DIAPH1: variants seen among roughly 807,000 people sequenced by gnomAD.
DIAPH1 encodes protein diaphanous homolog 1.
DIAPH1 carries 46 observed loss-of-function variants against 140.7 expected under a neutral mutation model. That is an observed-to-expected ratio of 0.33 (90% CI 0.26 to 0.42). DIAPH1 has a LOEUF of 0.42. DIAPH1 is among the 10% of genes least tolerant of loss of function. The pLI is 1.00. For synonymous variants in DIAPH1, 565 were observed against 551.6 expected (o/e 1.02, Z -0.34); for missense variants, 1,310 against 1,558.7 (o/e 0.84, Z 2.69).
intron 6 of DIAPH1, among the ~76,000 whole-genome samples, chr5:141,582,719 T>C (rs544301922): frequency 6.6e-6 from 1 of 152,338 alleles, no homozygotes; most frequent in East Asian, 1.9e-4. Context: ...AGAAGATATA[T>C]GTAGGTCTTG....
intron 18 of DIAPH1, among the ~76,000 whole-genome samples, chr5:141,541,211 A>G (rs1265714869): frequency 6.6e-6 from 1 of 152,248 alleles, no homozygotes; most frequent in Admixed American, 6.5e-5. Flanking sequence ...AATCCTATTC[A>G]TGATTTAAAA....
intron 18 of DIAPH1, among the ~76,000 whole-genome samples, chr5:141,559,500 C>A (rs1349202355): frequency 2.6e-5 from 4 of 152,140 alleles, no homozygotes; most frequent in Admixed American, 1.3e-4. Context: ...CACACAGAAT[C>A]CCAAAGGAAG....
intron 1 of DIAPH1, among the ~76,000 whole-genome samples, chr5:141,610,347 C>G (rs892132338): frequency 6.6e-6 from 1 of 152,002 alleles, no homozygotes; most frequent in East Asian, 1.9e-4. Context: ...TGTCGCCAGG[C>G]TGGAGTGCAG....
chr5:141,617,716 C>A (rs768934466), intron 1 of DIAPH1, among the ~76,000 whole-genome samples: 1 of 152,196 alleles, frequency 6.6e-6, no homozygotes, highest in Admixed American at 6.5e-5. Flanking sequence ...CTGGACAGTG[C>A]CCCGTATCTT....
intron 18 of DIAPH1, among the ~76,000 whole-genome samples, chr5:141,549,112 G>C (rs573713075): frequency 5.8e-4 from 88 of 152,180 alleles, no homozygotes; most frequent in Non-Finnish European, 1.0e-3. Flanking sequence ...GACTAAAACT[G>C]TCAGACTGGA....
chr5:141,609,549 T>C (rs2099901491), intron 1 of DIAPH1, among the ~76,000 whole-genome samples: 1 of 152,198 alleles, frequency 6.6e-6, no homozygotes, highest in African/African-American at 2.4e-5. Context: ...ATGGGAATAA[T>C]AACAGTACCT....
At chr5:141,526,759 C>T (rs187502121) in intron 24 of DIAPH1, among the ~76,000 whole-genome samples, 4 of 152,238 alleles carry the variant, frequency 2.6e-5, no homozygotes, top group African/African-American at 4.8e-5. Flanking sequence ...TGCAGTGGCG[C>T]GATCTTGGCT....
chr5:141,591,138 A>G (rs1460484708), intron 1 of DIAPH1, among the ~76,000 whole-genome samples: 1 of 151,844 alleles, frequency 6.6e-6, no homozygotes, highest in African/African-American at 2.4e-5. Flanking sequence ...TCGTCTCCAA[A>G]CAGATGACGC....
chr5:141,599,608 T>C (rs1175736611), intron 1 of DIAPH1, among the ~76,000 whole-genome samples: 1 of 152,156 alleles, frequency 6.6e-6, no homozygotes, highest in Non-Finnish European at 1.5e-5. Context: ...CCTGCCATCA[T>C]GCCCAGCCAG....
chr5:141,562,330 A>T (rs762777227), intron 18 of DIAPH1, among the ~76,000 whole-genome samples: 6 of 152,170 alleles, frequency 3.9e-5, no homozygotes, highest in African/African-American at 1.4e-4. Flanking sequence ...TAATGAGGAA[A>T]GTCTCTGCAT....
intron 18 of DIAPH1, among the ~76,000 whole-genome samples, chr5:141,548,680 C>T (rs1167998424): frequency 6.6e-6 from 1 of 152,054 alleles, no homozygotes; most frequent in Non-Finnish European, 1.5e-5. Context: ...GTGATGTGTG[C>T]CTGTAGTCCC....
intron 18 of DIAPH1, among the ~76,000 whole-genome samples, chr5:141,539,430 G>GTTTTTTTTTTTTTT (rs374210300): frequency 6.8e-5 from 9 of 131,838 alleles, no homozygotes; most frequent in African/African-American, 1.6e-4. Flanking sequence ...TTTTTTTTTT[G>GTTTTTTTTTTTTTT]TTTTTTTTTT....
chr5:141,564,991 C>G (rs2099894153), intron 18 of DIAPH1: 1 of 152,134 alleles, frequency 6.6e-6, no homozygotes, highest in African/African-American at 2.4e-5. Context: ...TACCTAGCAA[C>G]TTGGGCCCAC....
intron 8 of DIAPH1, 126 bp downstream of exon 8, chr5:141,580,618 G>A: frequency 1.1e-6 from 1 of 946,730 alleles, no homozygotes; most frequent in Non-Finnish European, 1.7e-6. Context: ...GTTCACTTCT[G>A]GGAAGAAACA....
chr5:141,517,582 A>G (rs998100952), intron 27 of DIAPH1, among the ~76,000 whole-genome samples: 1 of 151,904 alleles, frequency 6.6e-6, no homozygotes, highest in Non-Finnish European at 1.5e-5. Context: ...AGATGCCCAC[A>G]TGCCTTAGCT....
chr5:141,577,405 T>C, intron 12 of DIAPH1, 70 bp downstream of exon 12: 3 of 1,107,654 alleles, frequency 2.7e-6, no homozygotes, highest in Admixed American at 3.4e-5. Context: ...AGAACAATCT[T>C]TGAATTTAAG....
At chr5:141,574,868 T>C (rs2099895730) in intron 15 of DIAPH1, 99 bp downstream of exon 15, 4 of 1,319,558 alleles carry the variant, frequency 3.0e-6, no homozygotes, top group Non-Finnish European at 4.4e-6. Flanking sequence ...TACCTATTAG[T>C]AGCTGAACCC....
rs180744863 is a variant in DIAPH1 at position 141,535,142 on chromosome 5, G to T, written c.2483-709C>A. Among the ~76,000 whole-genome samples, 25 of 152,116 alleles carry T rather than the reference G, an allele frequency of 1.6e-4. No homozygotes were observed. The East Asian group carries it at 3.9e-3, about 24-fold the overall frequency. ...TTTTTTTATTTTTTGTGGAGATGAG[G>T]TTTCACCATATTGCCCAGGCTGGCC... is the stretch of plus-strand genomic sequence containing the variant. On this transcript the variant is annotated intron_variant, in intron 18 of 27. Transcript: ENST00000389054.
At chr5:141,582,233 T>C in intron 7 of DIAPH1, 79 bp downstream of exon 7, 1 of 1,032,434 alleles carries the variant, frequency 9.7e-7, no homozygotes, top group East Asian at 2.4e-5. Context: ...ATATTCCTAG[T>C]TCCTCTTTTG....
Sources: gnomAD v4.1 joint callset for allele counts (sites outside exome capture counted in the v4.1 genomes callset) on GRCh38, gnomAD v4.1.1 for gene constraint, MANE v1.5 for transcripts, NCBI Gene and HGNC (gene_info 2026-07-23, HGNC 2026-07-21) for gene names.